ZFYVE26: variants seen among roughly 807,000 people sequenced by gnomAD.
ZFYVE26 encodes zinc finger FYVE domain-containing protein 26.
ZFYVE26 carries 181 observed loss-of-function variants against 276.5 expected under a neutral mutation model. The ratio of observed to expected loss-of-function variants is 0.65; its 90% CI spans 0.58 to 0.74. The LOEUF (loss-of-function observed/expected upper bound fraction) is 0.74. Among genes scored for constraint, ZFYVE26 ranks in the 30% least tolerant of loss-of-function variants. ZFYVE26 has a pLI of 0.00. For synonymous variants in ZFYVE26, 1,129 were observed against 1,203.1 expected (o/e 0.94, Z 1.27); for missense variants, 2,821 against 3,097.9 (o/e 0.91, Z 2.12).
Position 67,780,285 on chromosome 14 carries a change from C to T in ZFYVE26, c.4630G>A (p.Val1544Ile), listed in dbSNP as rs753431916. The T allele has an allele frequency of 5.0e-6, 8 of 1,614,030 alleles. No individual in the cohort carries two copies. The highest frequency in any genetic ancestry group is 5.9e-6 in the Non-Finnish European group (7 of 1,180,008). The change falls in exon 23 of 42, where the codon GTT (valine) becomes ATT (isoleucine). Residue 1544 changes from valine (V) to isoleucine (I), a missense_variant. By Grantham distance (29) the Val-to-Ile change is conservative (BLOSUM62 3). Transcript: ENST00000347230. Reference protein sequence around the residue: ...CDWQTLRSCCVEDPSTVMNMI... With the variant: ...CDWQTLRSCCIEDPSTVMNMI... ...TTCATGACAGTTGATGGGTCCTCAACACAACAGCTCCTCAAGGTCTGCCAG... is the reference window on the plus strand; with the variant it reads ...TTCATGACAGTTGATGGGTCCTCAATACAACAGCTCCTCAAGGTCTGCCAG...
intron 5 of ZFYVE26, 120 bp downstream of exon 5, chr14:67,807,278 T>C (rs1374317384): frequency 3.7e-6 from 5 of 1,335,002 alleles, no homozygotes; most frequent in Non-Finnish European, 4.2e-6. Flanking sequence ...CACCCATTTT[T>C]GCTTAGCCTC....
chr14:67,785,212 C>T lies in ZFYVE26; in HGVS notation c.3370G>A (p.Ala1124Thr), dbSNP rs763905444. The change falls in exon 19 of 42, where the codon GCC (alanine) becomes ACC (threonine). Residue 1124 changes from alanine to threonine, a missense_variant. Physicochemically the swap from Ala to Thr is moderately conservative, Grantham distance 58. Coordinates refer to ENST00000347230, the MANE Select transcript of ZFYVE26 (RefSeq NM_015346.4). ...QAAQKAPEAE[A>T]HPVQIQTQLL... Reference sequence around the variant, plus strand: ...TGAGTCTGGATCTGCACAGGGTGGGCCTCTGCCTCTGGAGCTTTCTGGGCT... The same window carrying T: ...TGAGTCTGGATCTGCACAGGGTGGGTCTCTGCCTCTGGAGCTTTCTGGGCT... The T allele has an allele frequency of 1.2e-6, 2 of 1,613,972 alleles. No individual in the cohort carries two copies. The highest frequency in any genetic ancestry group is 1.7e-6 in the Non-Finnish European group (2 of 1,179,910).
rs998734784 is a variant in ZFYVE26, at chr14:67,778,237, C to T, written c.4686G>A (p.Leu1562=). Residue 1562 remains leucine, a synonymous_variant, in exon 24 of 42, where the codon CTG becomes CTA. Coordinates refer to ENST00000347230, the MANE Select transcript of ZFYVE26 (RefSeq NM_015346.4). ...NMILEAQEYE[L]CEEWGCLYPI... is the part of the protein sequence containing the mutation. ...GGTACAGGCAGCCCCACTCTTCACA[C>T]AGTTCATACTCCTGGAAGGAAACAC... 2.5e-6 allele frequency: 4 copies of T among 1,614,174 alleles called. No individual in the cohort carries two copies. The highest frequency in any genetic ancestry group is 1.1e-5 in the South Asian group (1 of 91,084).
rs767722260 is a variant in ZFYVE26, at chr14:67,755,189, G to A, written c.6848C>T (p.Thr2283Ile). The A allele has an allele frequency of 2.1e-5, 34 of 1,614,070 alleles. No individual in the cohort carries two copies. The highest frequency in any genetic ancestry group is 2.7e-5 in the African/African-American group (2 of 74,918). ...RFFSHKAKSY[T>I]ELGEKLSWLL... ...CCATGAGAGCTTCTCTCCCAGTTCT[G>A]TATATGACTTTGCTTTGTGACTGAA... Residue 2283 changes from threonine to isoleucine, a missense_variant, in exon 37 of 42, where the codon ACA (threonine) becomes ATA (isoleucine). By Grantham distance (89) the Thr-to-Ile change is moderately conservative. Transcript: ENST00000347230.
intron 40 of ZFYVE26, 66 bp downstream of exon 40, chr14:67,752,278 A>C: frequency 2.0e-6 from 3 of 1,536,340 alleles, no homozygotes; most frequent in African/African-American, 1.4e-5. Flanking sequence ...AAACAGAACA[A>C]TAAAGATGGG....
At chr14:67,809,622 C>T (rs1386380595) in intron 3 of ZFYVE26, among the ~76,000 whole-genome samples, 1 of 151,658 alleles carries the variant, frequency 6.6e-6, no homozygotes, top group Non-Finnish European at 1.5e-5. Context: ...AGGGTGTCAC[C>T]ATTTGGCCAA....
At chr14:67,737,611 C>T (rs917489764) in intron 13 of ZFYVE26, among the ~76,000 whole-genome samples, 17 of 152,234 alleles carry the variant, frequency 1.1e-4, no homozygotes, top group Admixed American at 1.1e-3. Context: ...CAGAACCAAA[C>T]CATAGGAGGG....
chr14:67,758,304 G>C (rs1394271246), intron 35 of ZFYVE26, among the ~76,000 whole-genome samples: 2 of 152,132 alleles, frequency 1.3e-5, no homozygotes, highest in Non-Finnish European at 2.9e-5. Flanking sequence ...AAAAGTTGTA[G>C]GTCACATTTT....
downstream of ZFYVE26, among the ~76,000 whole-genome samples, chr14:67,745,759 G>T (rs1017071687): frequency 1.2e-4 from 18 of 151,530 alleles, no homozygotes; most frequent in African/African-American, 4.4e-4. Context: ...CAGGGCCAGG[G>T]GAAGTAGCCC....
At position 67,783,839 on chromosome 14, in the gene ZFYVE26, G is replaced by C. The variant is rs149949669; in HGVS notation, c.3627-314C>G. 0.015 allele frequency among the ~76,000 whole-genome samples: 2,245 copies of C among 152,294 alleles called. 31 individuals are homozygous for C. The highest frequency in any genetic ancestry group is 0.024 in the Non-Finnish European group (1,629 of 68,030). ...TAGTGGACAATGAATTTTCTGATCT[G>C]TTGGTACTATATACAAGATTGCAAT... On this transcript the variant is annotated intron_variant, in intron 20 of 41. Transcript: ENST00000347230.
chr14:67,733,775 G>A, intron 13 of ZFYVE26: 1 of 1,613,402 alleles, frequency 6.2e-7, no homozygotes, highest in Non-Finnish European at 8.5e-7. Flanking sequence ...GTGTCTCCAA[G>A]GGCCCGAAAT....
At chr14:67,764,564 G>T (rs1417506355) in intron 32 of ZFYVE26, among the ~76,000 whole-genome samples, 1 of 152,144 alleles carries the variant, frequency 6.6e-6, no homozygotes, top group Non-Finnish European at 1.5e-5. Flanking sequence ...TTGTCTATCA[G>T]AAGGGGGTAT....
At chr14:67,768,425 G>A (rs1254210676) in intron 30 of ZFYVE26, 92 bp downstream of exon 30, 3 of 1,408,008 alleles carry the variant, frequency 2.1e-6, no homozygotes, top group Non-Finnish European at 3.0e-6. Flanking sequence ...TGCATAAGTT[G>A]GACAAGTATA....
Position 67,800,043 on chromosome 14 carries a change from A to G in ZFYVE26, c.1640-1421T>C, listed in dbSNP as rs190450807. Among the ~76,000 whole-genome samples the G allele has an allele frequency of 3.2e-3, 491 of 152,262 alleles. 3 individuals carry two copies. The highest frequency in any genetic ancestry group is 7.2e-3 in the Admixed American group (110 of 15,304). On this transcript the variant is annotated intron_variant, in intron 10 of 41. Coordinates refer to ENST00000347230, the MANE Select transcript of ZFYVE26 (RefSeq NM_015346.4). ...ATCTTCCACATCCTTCCCATTTTAC[A>G]TTTGGTCTTAATGATCTTGAATAGA...
chr14:67,757,694 CCTTTCTTTCTCTCTCT>C (rs2038822212), intron 35 of ZFYVE26, among the ~76,000 whole-genome samples: 2 of 132,594 alleles, frequency 1.5e-5, no homozygotes, highest in Admixed American at 1.6e-4. Flanking sequence ...CTCTCTCTTT[CCTTTCTTTCTCTCTCT>C]CTTTCTTTCT....
At position 67,807,773 on chromosome 14, in the gene ZFYVE26, G is replaced by C. The variant is rs1216584405; in HGVS notation, c.511C>G (p.Leu171Val). The change falls in exon 5 of 42, where the codon CTG becomes GTG. Residue 171 changes from leucine (L) to valine (V), a missense_variant. Transcript: ENST00000347230. ...TCCTCCTCAAGCAGGAGCTCCAGCA[G>C]GGCCTGTGCTGGCTGGGGAGACTGC... ...LRQSPQPAQA[L>V]LELLLEEDDG... 1.9e-6 allele frequency: 3 copies of C among 1,614,242 alleles called. No homozygotes were observed. Among genetic ancestry groups the C allele is most frequent in the Non-Finnish European group, 2.5e-6 (3 of 1,180,044 alleles).
Position 67,786,042 on chromosome 14 carries a change from A to G in ZFYVE26, c.3140-20T>C, listed in dbSNP as rs1385561722. ...CACTCTCTATGGAAAGCAAATGAGA[A>G]AGAAAAAGTAAAGTCTGTTGCTGAC... On this transcript the variant is annotated intron_variant, in intron 17 of 41. Transcript: ENST00000347230. 3 of 1,614,200 alleles carry G rather than the reference A, an allele frequency of 1.9e-6. No homozygotes were observed. Among genetic ancestry groups the G allele is most frequent in the South Asian group, 2.2e-5 (2 of 91,080 alleles).
rs144095955 is a variant in ZFYVE26 at position 67,749,669 on chromosome 14, G to C, written c.7417-1030C>G. ...ACTAAAGTTTTTCTTTCCTTTCTAA[G>C]CTGAATTATAGATAATCTCCTACAG... On this transcript the variant is annotated intron_variant, in intron 41 of 41. Coordinates refer to ENST00000347230, the MANE Select transcript of ZFYVE26 (RefSeq NM_015346.4). Among the ~76,000 whole-genome samples the C allele has an allele frequency of 5.8e-3, 881 of 152,256 alleles. 5 individuals are homozygous for C. Among genetic ancestry groups the C allele is most frequent in the African/African-American group, 0.02 (849 of 41,534 alleles).
intron 28 of ZFYVE26, among the ~76,000 whole-genome samples, chr14:67,770,717 T>A (rs1041596528): frequency 2.0e-5 from 3 of 152,256 alleles, no homozygotes; most frequent in Non-Finnish European, 2.9e-5. Flanking sequence ...ACATATACAG[T>A]AGGCAGTCAA....
Sources: gnomAD v4.1 joint callset for allele counts (sites outside exome capture counted in the v4.1 genomes callset) on GRCh38, gnomAD v4.1.1 for gene constraint, MANE v1.5 for transcripts, NCBI Gene and HGNC (gene_info 2026-07-23, HGNC 2026-07-21) for gene names.